Variants in CHN2 observed in about 807,000 individuals in gnomAD.
CHN2 encodes the protein chimerin 2.
CHN2 carries 35 observed loss-of-function variants against 56.3 expected under a neutral mutation model. The ratio of observed to expected loss-of-function variants is 0.62; its 90% CI spans 0.47 to 0.82. The LOEUF (loss-of-function observed/expected upper bound fraction) is 0.82. Among genes scored for constraint, CHN2 ranks in the 40% least tolerant of loss-of-function variants. The pLI, the probability that CHN2 is intolerant of heterozygous loss-of-function variation, is 0.00. For missense variants in CHN2, 491 were observed against 580.5 expected, an observed-to-expected ratio of 0.85 and a Z score of 1.58; for synonymous variants, 210 against 212.8, an observed-to-expected ratio of 0.99 and a Z score of 0.12.
At chr7:29,322,827 G>C (rs908909897) in intron 1 of CHN2, among the ~76,000 whole-genome samples, 1 of 152,154 alleles carries the variant, frequency 6.6e-6, no homozygotes, top group African/African-American at 2.4e-5. Flanking sequence ...CTTGTAATGG[G>C]GAACGACCTA....
At chr7:29,356,169 T>C (rs1798303754) in intron 2 of CHN2, among the ~76,000 whole-genome samples, 1 of 151,996 alleles carries the variant, frequency 6.6e-6, no homozygotes. Flanking sequence ...TCACAAAAAT[T>C]AGTGGGGTAG....
At chr7:29,281,685 C>G (rs1469680823) in intron 1 of CHN2, among the ~76,000 whole-genome samples, 2 of 125,898 alleles carry the variant, frequency 1.6e-5, no homozygotes, top group African/African-American at 3.3e-5. Context: ...TTATCCCCCT[C>G]TCTCCCCTAC....
intron 1 of CHN2, among the ~76,000 whole-genome samples, chr7:29,297,134 G>A (rs1163565015): frequency 6.6e-6 from 1 of 152,196 alleles, no homozygotes; most frequent in Admixed American, 6.5e-5. Context: ...GGAAAAAAAG[G>A]GGAAACAGGG....
chr7:29,317,778 C>T (rs1281622649), intron 1 of CHN2, among the ~76,000 whole-genome samples: 2 of 152,058 alleles, frequency 1.3e-5, no homozygotes, highest in Non-Finnish European at 2.9e-5. Context: ...CACCTGAGCT[C>T]AGGAATTCGA....
chr7:29,404,073 T>G, intron 6 of CHN2, among the ~76,000 whole-genome samples: 1 of 152,312 alleles, frequency 6.6e-6, no homozygotes, highest in South Asian at 2.1e-4. Flanking sequence ...GGCTTCCTGA[T>G]TCCACGCTCA....
intron 2 of CHN2, among the ~76,000 whole-genome samples, chr7:29,173,323 CCTAA>C (rs1261880473): frequency 6.6e-6 from 1 of 151,964 alleles, no homozygotes; most frequent in Non-Finnish European, 1.5e-5. Flanking sequence ...CGAGTGGGGG[CCTAA>C]CTTTCTGCAG....
chr7:29,305,175 AGTG>A (rs1794043680), intron 1 of CHN2, among the ~76,000 whole-genome samples: 2 of 152,214 alleles, frequency 1.3e-5, no homozygotes, highest in African/African-American at 4.8e-5. Flanking sequence ...GGAAATTCCC[AGTG>A]ATTGTTGCCG....
At chr7:29,499,308 C>T (rs3793251) in intron 8 of CHN2, among the ~76,000 whole-genome samples, 28,136 of 152,036 alleles carry the variant, frequency 0.19, 2,745 homozygotes, top group East Asian at 0.27. Flanking sequence ...GGAAAGCGGC[C>T]TACCCAAACT....
intron 1 of CHN2, chr7:29,212,782 T>G: frequency 6.2e-7 from 1 of 1,610,100 alleles, no homozygotes; most frequent in Non-Finnish European, 8.5e-7. Context: ...GGCCGAAGAA[T>G]AGCAATGGTG....
intron 2 of CHN2, among the ~76,000 whole-genome samples, chr7:29,150,592 A>G (rs1257891296): frequency 6.6e-6 from 1 of 152,214 alleles, no homozygotes; most frequent in Non-Finnish European, 1.5e-5. Flanking sequence ...TACAATTCCA[A>G]TTGTCTAAGT....
At chr7:29,252,578 G>T (rs369086304) in intron 1 of CHN2, among the ~76,000 whole-genome samples, 273 of 19,328 alleles carry the variant, frequency 0.014, 2 homozygotes, top group Middle Eastern at 0.028. Context: ...TGCATTCTTT[G>T]TTTTTTTTTT....
chr7:29,244,204 TCC>T (rs1347286385), intron 1 of CHN2, among the ~76,000 whole-genome samples: 4 of 152,220 alleles, frequency 2.6e-5, no homozygotes, highest in Admixed American at 2.0e-4. Context: ...GTCTGGGATT[TCC>T]CCTTCTGCTT....
intron 1 of CHN2, among the ~76,000 whole-genome samples, chr7:29,213,886 AT>A (rs1785142148): frequency 1.4e-5 from 2 of 148,106 alleles, no homozygotes; most frequent in African/African-American, 4.9e-5. Context: ...CAGCTTAAAC[AT>A]TAAAAAAAAG....
intron 2 of CHN2, among the ~76,000 whole-genome samples, chr7:29,182,454 G>C (rs1159766569): frequency 1.3e-5 from 2 of 152,188 alleles, no homozygotes; most frequent in Non-Finnish European, 2.9e-5. Flanking sequence ...AACGTAGAAA[G>C]TTGTAATATT....
At chr7:29,283,390 G>A (rs1046456240) in intron 1 of CHN2, among the ~76,000 whole-genome samples, 37 of 152,052 alleles carry the variant, frequency 2.4e-4, no homozygotes, top group East Asian at 1.9e-4. Context: ...GTTTCCCCTC[G>A]GTTGGTATAC....
At chr7:29,386,099 G>T (rs2128064503) in intron 3 of CHN2, among the ~76,000 whole-genome samples, 1 of 152,232 alleles carries the variant, frequency 6.6e-6, no homozygotes, top group Admixed American at 6.5e-5. Flanking sequence ...TTAAAGAAAT[G>T]CCATGAGGAA....
chr7:29,264,166 C>CCT (rs1789901592), intron 1 of CHN2, among the ~76,000 whole-genome samples: 1 of 143,370 alleles, frequency 7.0e-6, no homozygotes, highest in Admixed American at 7.8e-5. Context: ...TGGGGGGCCC[C>CCT]CTCTGCCTGG....
At chr7:29,301,342 TACAC>T (rs10570363) in intron 1 of CHN2, among the ~76,000 whole-genome samples, 57,193 of 141,290 alleles carry the variant, frequency 0.4, 11,921 homozygotes, top group Non-Finnish European at 0.48. Flanking sequence ...CTCAAACAGG[TACAC>T]ACACACACAC....
At chr7:29,354,133 C>G (rs1030451508) in intron 1 of CHN2, among the ~76,000 whole-genome samples, 13 of 152,222 alleles carry the variant, frequency 8.5e-5, no homozygotes, top group Non-Finnish European at 1.5e-4. Context: ...ATCAGTGTCT[C>G]TGCTGTCAGA....
Sources: gnomAD v4.1 joint callset for allele counts (sites outside exome capture counted in the v4.1 genomes callset) on GRCh38, gnomAD v4.1.1 for gene constraint, MANE v1.5 for transcripts, NCBI Gene and HGNC (gene_info 2026-07-23, HGNC 2026-07-21) for gene names.